The following RDM1 variants were observed in gnomAD, a reference collection of about 807,000 sequenced individuals.
RDM1 encodes RAD52 motif containing 1.
RDM1 carries 28 observed loss-of-function variants against 27.7 expected under a neutral mutation model. The observed-to-expected ratio is 1.01, with a 90% CI of 0.75 to 1.39. The LOEUF (loss-of-function observed/expected upper bound fraction) is 1.39, where lower values mean the gene tolerates loss of function less well. Ranked by LOEUF, RDM1 falls within the 40% of genes most tolerant of loss-of-function variation. The pLI, the probability that RDM1 is intolerant of heterozygous loss-of-function variation, is 0.00. For synonymous variants in RDM1, 124 were observed against 127.5 expected (o/e 0.97, Z 0.19); for missense variants, 277 against 337.3 (o/e 0.82, Z 1.40).
At chr17:35,930,545 G>T in intron 1 of RDM1, 87 bp downstream of exon 1, 1 of 1,271,516 alleles carries the variant, frequency 7.9e-7, no homozygotes, top group Non-Finnish European at 1.1e-6. Context: ...GCTCAGGCAG[G>T]TGAGGGTCTG....
intron 2 of RDM1, among the ~76,000 whole-genome samples, chr17:35,928,852 G>A (rs1399983040): frequency 6.6e-6 from 1 of 152,034 alleles, no homozygotes; most frequent in Non-Finnish European, 1.5e-5. Context: ...GAGGTGGGTG[G>A]ATCACTTGAG....
chr17:35,930,510 T>C, intron 1 of RDM1, 122 bp downstream of exon 1: 1 of 993,814 alleles, frequency 1.0e-6, no homozygotes, highest in Non-Finnish European at 1.5e-6. Flanking sequence ...GGATCCCCTT[T>C]ATAATTAAGA....
At position 35,918,102 on chromosome 17, in the gene RDM1, A is replaced by G; in HGVS notation, c.*240T>C. On this transcript the variant is annotated 3_prime_UTR_variant, in exon 7 of 7. Transcript: ENST00000620284. ...ATCTTTATCTAGGCAACCTTTATTAAGTTCCGTTCGAGATCCGCTCCTCGT... is the reference window on the plus strand; with the variant it reads ...ATCTTTATCTAGGCAACCTTTATTAGGTTCCGTTCGAGATCCGCTCCTCGT... 1 of 576,594 alleles carries G rather than the reference A, an allele frequency of 1.7e-6. No homozygotes were observed. Among genetic ancestry groups the G allele is most frequent in the East Asian group, 2.8e-5 (1 of 35,134 alleles). The allele number at this position is 576,594 out of a possible 1,614,324, so 35.7% of individuals were successfully genotyped here. A position where few individuals can be genotyped will look rare whatever the true frequency, so the allele number is the denominator to read the frequency against.
rs201396893 is a variant in RDM1 at position 35,922,693 on chromosome 17, A to T, written c.569-18T>A. On this transcript the variant is annotated intron_variant, in intron 4 of 6. Coordinates refer to ENST00000620284, the MANE Select transcript of RDM1 (RefSeq NM_145654.4). ...TAATGGTCCTAAATCCAACCAAAAC[A>T]AATGGATTTAAGGTGCCTATTTGAA... 4 of 1,569,910 alleles carry T rather than the reference A, an allele frequency of 2.5e-6. No homozygotes were observed.
At position 35,924,603 on chromosome 17, in the gene RDM1, C is replaced by A. The variant is rs1480249129; in HGVS notation, c.568+1G>T. 3.0e-5 allele frequency: 48 copies of A among 1,608,494 alleles called. No individual in the cohort carries two copies. The highest frequency in any genetic ancestry group is 4.1e-5 in the Non-Finnish European group (48 of 1,176,156). ...CTCCTCCACTCCCAGTGAAAACAGA[C>A]CTTCCTCCACCTTATCCATAGGCTC... On this transcript the variant is annotated splice_donor_variant, in intron 4 of 6. Coordinates refer to ENST00000620284, the MANE Select transcript of RDM1 (RefSeq NM_145654.4). LOFTEE classifies it high-confidence loss of function.
rs1051911555 is a variant in RDM1, at chr17:35,924,555, C to T, written c.568+49G>A. On this transcript the variant is annotated intron_variant, in intron 4 of 6. Coordinates refer to ENST00000620284, the MANE Select transcript of RDM1 (RefSeq NM_145654.4). ...TGGAAAGTAAGAAAAAAAGAAAGAT[C>T]CTTTCCACTCCAAATCCCTACCCTC... 3 of 1,541,320 alleles carry T rather than the reference C, an allele frequency of 1.9e-6. No individual in the cohort carries two copies. The African/African-American group carries it at 4.2e-5, about 21-fold the overall frequency.
chr17:35,930,053 AG>A (rs2089272310), intron 2 of RDM1, 22 bp downstream of exon 2: 4 of 1,505,354 alleles, frequency 2.7e-6, no homozygotes, highest in Middle Eastern at 2.0e-4. Flanking sequence ...CAGCGGAGCT[AG>A]GAATTCCATA....
intron 5 of RDM1, among the ~76,000 whole-genome samples, chr17:35,920,843 A>G (rs541672377): frequency 1.5e-4 from 23 of 152,210 alleles, no homozygotes; most frequent in Non-Finnish European, 3.2e-4. Flanking sequence ...ACTAAGGAAT[A>G]ACATAAGAAA....
intron 2 of RDM1, among the ~76,000 whole-genome samples, chr17:35,925,866 G>A (rs2089129722): frequency 6.6e-6 from 1 of 152,152 alleles, no homozygotes; most frequent in Non-Finnish European, 1.5e-5. Flanking sequence ...CAGGTGCAGT[G>A]GCTCACCCTT....
chr17:35,923,039 AC>A (rs1391221589), intron 4 of RDM1, among the ~76,000 whole-genome samples: 4 of 152,178 alleles, frequency 2.6e-5, no homozygotes, highest in African/African-American at 9.7e-5. Flanking sequence ...GGTTGGCTGG[AC>A]CTGGTGGCCC....
At chr17:35,923,717 C>T (rs1046295353) in intron 4 of RDM1, among the ~76,000 whole-genome samples, 5 of 152,042 alleles carry the variant, frequency 3.3e-5, no homozygotes, top group African/African-American at 7.3e-5. Flanking sequence ...GCATCACCCC[C>T]GGGAGCCTAC....
chr17:35,918,522 TA>T, intron 6 of RDM1, 79 bp from the exon 7 acceptor site: 2 of 1,165,958 alleles, frequency 1.7e-6, no homozygotes, highest in Middle Eastern at 3.9e-4. Flanking sequence ...CCGTTTTTGC[TA>T]AACTTTCCAT....
chr17:35,926,842 A>C (rs12939392), intron 2 of RDM1, among the ~76,000 whole-genome samples: 350 of 152,324 alleles, frequency 2.3e-3, no homozygotes, highest in African/African-American at 8.0e-3. Context: ...ATAATAGAGC[A>C]CAGATGATCT....
Position 35,918,264 on chromosome 17 carries a change from G to T in RDM1, c.*78C>A. On this transcript the variant is annotated 3_prime_UTR_variant, in exon 7 of 7. Coordinates refer to ENST00000620284, the MANE Select transcript of RDM1 (RefSeq NM_145654.4). ...TCCAGGACTCCAGCAGCCTATAGTG[G>T]TGGGGCGGCGTGGGGTAGGGGCACG... 1 of 1,232,084 alleles carries T rather than the reference G, an allele frequency of 8.1e-7. No individual in the cohort carries two copies. Among genetic ancestry groups the T allele is most frequent in the Non-Finnish European group, 1.2e-6 (1 of 843,942 alleles). 76.3% of individuals were successfully genotyped at this position (1,232,084 alleles called of 1,614,324 possible). A position where few individuals can be genotyped will look rare whatever the true frequency, so the allele number is the denominator to read the frequency against.
Position 35,930,133 on chromosome 17 carries a change from G to A in RDM1, c.219C>T (p.Ala73=). Residue 73 remains alanine (A), a synonymous_variant, in exon 2 of 7, where the codon GCC becomes GCT. Transcript: ENST00000620284. The part of the protein sequence containing the change: ...AVIKFYSARA[A]HRAQKACDRK... ...GGTCGCATGCCTTTTGGGCTCTGTG[G>A]GCAGCCCTTGCAGAATAAAACTTAA... 1.9e-6 allele frequency: 3 copies of A among 1,614,182 alleles called. No homozygotes were observed. The highest frequency in any genetic ancestry group is 1.3e-5 in the African/African-American group (1 of 75,044).
At chr17:35,927,169 G>A (rs973234300) in intron 2 of RDM1, among the ~76,000 whole-genome samples, 2 of 151,058 alleles carry the variant, frequency 1.3e-5, no homozygotes, top group Non-Finnish European at 2.9e-5. Flanking sequence ...GGCCGGGCAC[G>A]GTGGCTCACA....
At chr17:35,918,729 T>C (rs532520649) in intron 6 of RDM1, among the ~76,000 whole-genome samples, 1 of 152,260 alleles carries the variant, frequency 6.6e-6, no homozygotes, top group East Asian at 1.9e-4. Flanking sequence ...TCTTCAGAGG[T>C]CTACCCTGTG....
At chr17:35,930,054 G>C (rs774252794) in intron 2 of RDM1, 22 bp downstream of exon 2, 43 of 1,598,442 alleles carry the variant, frequency 2.7e-5, no homozygotes, top group Non-Finnish European at 3.7e-5. Flanking sequence ...AGCGGAGCTA[G>C]GAATTCCATA....
chr17:35,925,429 A>T lies in RDM1; in HGVS notation c.399+86T>A, dbSNP rs550026239. 7.6e-4 allele frequency: 1,127 copies of T among 1,490,422 alleles called. 3 individuals are homozygous for T. The highest frequency in any genetic ancestry group is 2.6e-3 in the Admixed American group (146 of 57,134). The allele number at this position is 1,490,422 out of a possible 1,614,324, so 92.3% of individuals were successfully genotyped here. A position where few individuals can be genotyped will look rare whatever the true frequency, so the allele number is the denominator to read the frequency against. ...AGGCCTCTCACATCTCCTCCCTACA[A>T]TCCAGTTCAATACTTCTGTCTAAAA... is the stretch of plus-strand genomic sequence containing the variant. On this transcript the variant is annotated intron_variant, in intron 3 of 6. Transcript: ENST00000620284.
Sources: allele counts gnomAD v4.1 joint callset (sites outside exome capture counted in the v4.1 genomes callset), GRCh38; gene constraint gnomAD v4.1.1; transcripts MANE v1.5; gene names NCBI Gene and HGNC (gene_info 2026-07-23, HGNC 2026-07-21).